ARL10: variants seen among roughly 807,000 people sequenced by gnomAD.
The protein encoded by ARL10 is ADP-ribosylation factor-like protein 10.
A neutral mutation model predicts 26.1 loss-of-function variants in ARL10; 23 were observed. That is an observed-to-expected ratio of 0.88 (90% CI 0.63 to 1.25). The LOEUF (loss-of-function observed/expected upper bound fraction) is 1.25, where lower values mean the gene tolerates loss of function less well. Ranked by LOEUF, ARL10 falls within the 50% of genes most tolerant of loss-of-function variation. The pLI is 0.00. For synonymous variants in ARL10, 138 were observed against 149.1 expected, an observed-to-expected ratio of 0.93 and a Z score of 0.54; for missense variants, 300 against 323.6, an observed-to-expected ratio of 0.93 and a Z score of 0.56.
chr5:176,392,452 T>C (rs1756293522), downstream of ARL10: 1 of 254,784 alleles, frequency 3.9e-6, no homozygotes, highest in Non-Finnish European at 7.6e-6. The surrounding 1 kb of genome is among the most constrained non-coding windows in gnomAD (Gnocchi z 5.2). Context: ...CTGACACCAG[T>C]TGTGGCTTCC....
At chr5:176,411,194 A>G in the ARL10 span, among the ~76,000 whole-genome samples, 1 of 152,206 alleles carries the variant, frequency 6.6e-6, no homozygotes, top group Non-Finnish European at 1.5e-5. Flanking sequence ...GCATGAAAGA[A>G]AGACAACGAC....
rs1235108012 is a variant in ARL10 at position 176,374,912 on chromosome 5, C to T, written c.*3017C>T. 5 of 152,182 alleles carry T rather than the reference C, an allele frequency of 3.3e-5. No individual in the cohort carries two copies. Among genetic ancestry groups the T allele is most frequent in the Non-Finnish European group, 4.4e-5 (3 of 68,042 alleles). The allele number at this position is 152,182 out of a possible 1,614,324, so 9.4% of individuals were successfully genotyped here. A position where few individuals can be genotyped will look rare whatever the true frequency, so the allele number is the denominator to read the frequency against. On this transcript the variant is annotated 3_prime_UTR_variant, in exon 4 of 4. Coordinates refer to ENST00000310389, the MANE Select transcript of ARL10 (RefSeq NM_173664.6). ...TGTTTGGTGGCAGTATCTACAGAAG[C>T]GGCAGCCACCACCGCCTTTTGAAGC...
chr5:176,368,960 T>C lies in ARL10; in HGVS notation c.539T>C (p.Val180Ala). 6.2e-7 allele frequency: 1 copy of C among 1,614,026 alleles called. No homozygotes were observed. The highest frequency in any genetic ancestry group is 8.5e-7 in the Non-Finnish European group (1 of 1,179,990). The stretch of plus-strand genomic sequence containing the variant: ...CTGGACAAGGACCCTGACCTGCCTG[T>C]CGTCGTGGTGGCCAACAAGCAGGTG... ...KLLDKDPDLP[V>A]VVVANKQDLS... The change falls in exon 3 of 4, where the codon GTC becomes GCC. Residue 180 changes from valine to alanine, a missense_variant. By Grantham distance (64) the Val-to-Ala change is moderately conservative (BLOSUM62 0). Coordinates refer to ENST00000310389, the MANE Select transcript of ARL10 (RefSeq NM_173664.6). The surrounding 1 kb of genome is among the most constrained non-coding windows in gnomAD (Gnocchi z 4.1).
chr5:176,366,628 G>T, intron 2 of ARL10, 47 bp downstream of exon 2: 2 of 1,598,012 alleles, frequency 1.3e-6, no homozygotes, highest in Non-Finnish European at 1.7e-6. Context: ...TACTGGACCA[G>T]TCCTGGATTC....
downstream of ARL10, among the ~76,000 whole-genome samples, chr5:176,385,761 T>C (rs184871939): frequency 2.6e-5 from 4 of 152,180 alleles, no homozygotes; most frequent in Admixed American, 2.6e-4. Context: ...TCTAAATACA[T>C]GAGATCTAGA....
chr5:176,384,205 C>T, downstream of ARL10: 1 of 1,614,180 alleles, frequency 6.2e-7, no homozygotes, highest in Non-Finnish European at 8.5e-7. Context: ...GACGCCTCAG[C>T]CTGGGGCAGC....
chr5:176,412,045 A>T, the ARL10 span, among the ~76,000 whole-genome samples: 141 of 152,008 alleles, frequency 9.3e-4, no homozygotes, highest in Non-Finnish European at 9.1e-4. Context: ...GCGTGGTGGC[A>T]GGCGCCTGTA....
At chr5:176,400,559 T>C (rs2113645766) in intron 1 of ARL10, among the ~76,000 whole-genome samples, 1 of 152,310 alleles carries the variant, frequency 6.6e-6, no homozygotes, top group Admixed American at 6.5e-5. Context: ...CCCTCTGGTC[T>C]GGCAAAGCCT....
In ARL10 at chr5:176,398,167, T is replaced by C. The variant is rs551352753; in HGVS notation, c.134-3574T>C. 2.9e-5 allele frequency: 23 copies of C among 799,006 alleles called. No individual in the cohort carries two copies. The South Asian group carries it at 2.9e-4, about 10-fold the overall frequency. 49.5% of individuals were successfully genotyped at this position (799,006 alleles called of 1,614,324 possible). A position where few individuals can be genotyped will look rare whatever the true frequency, so the allele number is the denominator to read the frequency against. The stretch of plus-strand genomic sequence containing the variant: ...CAGCCTCAAACAACCTCATACCCAC[T>C]GTCTCTGGTGACTACACCTATCTTT... On this transcript the variant is annotated intron_variant, in intron 1 of 1. Coordinates refer to the ARL10 transcript ENST00000514533.
At chr5:176,415,016 A>G in the ARL10 span, among the ~76,000 whole-genome samples, 1 of 152,164 alleles carries the variant, frequency 6.6e-6, no homozygotes, top group Non-Finnish European at 1.5e-5. Flanking sequence ...AGGCCCATAA[A>G]CCTTTCCAAA....
chr5:176,404,658 C>T (rs1757014516), downstream of ARL10, among the ~76,000 whole-genome samples: 1 of 152,230 alleles, frequency 6.6e-6, no homozygotes, highest in African/African-American at 2.4e-5. Context: ...CCCACATCTC[C>T]GCCACCTGCC....
chr5:176,394,921 C>T (rs1756446390), intron 1 of ARL10, among the ~76,000 whole-genome samples: 1 of 152,312 alleles, frequency 6.6e-6, no homozygotes, highest in African/African-American at 2.4e-5. Context: ...ATCGAGCCCC[C>T]TGTGGTATTC....
intron 1 of ARL10, among the ~76,000 whole-genome samples, chr5:176,398,999 C>T (rs1756684597): frequency 6.6e-6 from 1 of 151,914 alleles, no homozygotes; most frequent in Admixed American, 6.6e-5. Context: ...CACGTCACGA[C>T]ACCCGGCTAA....
At chr5:176,388,146 G>T in intron 1 of ARL10, 1 of 970,790 alleles carries the variant, frequency 1.0e-6, no homozygotes, top group Non-Finnish European at 1.6e-6. Context: ...CTGAGGGAAG[G>T]AATGGGCAGT....
chr5:176,389,669 A>T (rs1756180112), downstream of ARL10: 1 of 607,626 alleles, frequency 1.6e-6, no homozygotes, highest in Non-Finnish European at 2.8e-6. Flanking sequence ...AAAATCCTAG[A>T]TGCTGTTGTT....
chr5:176,388,800 C>T (rs144769380), downstream of ARL10: 36 of 1,607,306 alleles, frequency 2.2e-5, no homozygotes, highest in African/African-American at 3.9e-4. Context: ...CCGATTTTCT[C>T]CTGCTGCTGT....
chr5:176,412,511 C>T, the ARL10 span, among the ~76,000 whole-genome samples: 1 of 152,178 alleles, frequency 6.6e-6, no homozygotes, highest in African/African-American at 2.4e-5. Context: ...GCAAGGCTCT[C>T]AGAAACTGCT....
At chr5:176,401,044 C>G (rs1199300251) in intron 1 of ARL10, among the ~76,000 whole-genome samples, 1 of 152,244 alleles carries the variant, frequency 6.6e-6, no homozygotes, top group Non-Finnish European at 1.5e-5. Flanking sequence ...CACCCTTACT[C>G]CTCTCCAGCA....
At chr5:176,386,015 A>G (rs1755818395), downstream of ARL10, 1 of 152,562 alleles carries the variant, frequency 6.6e-6, no homozygotes, top group South Asian at 2.1e-4. Context: ...CACGGTTGCC[A>G]GGGGCTGGAG....
Sources: gnomAD v4.1 joint callset for allele counts (sites outside exome capture counted in the v4.1 genomes callset) on GRCh38, gnomAD v4.1.1 for gene constraint, Gnocchi (gnomAD v3.1) non-coding constraint, MANE v1.5 for transcripts, NCBI Gene and HGNC (gene_info 2026-07-23, HGNC 2026-07-21) for gene names.